Variants in LIN28B observed in about 807,000 individuals in gnomAD.
LIN28B encodes protein lin-28 homolog B.
In LIN28B, 5 loss-of-function variants were observed where a neutral mutation model predicts 21.9. That is an observed-to-expected ratio of 0.23 (90% CI 0.12 to 0.48). The LOEUF is 0.48. LIN28B is among the 20% of genes least tolerant of loss of function. LIN28B has a pLI of 0.98. For missense variants in LIN28B, 245 were observed against 310.5 expected (o/e 0.79, Z 1.58); for synonymous variants, 109 against 111.3 (o/e 0.98, Z 0.13).
chr6:104,964,681 G>A (rs1253990636), intron 2 of LIN28B, among the ~76,000 whole-genome samples: 1 of 152,108 alleles, frequency 6.6e-6, no homozygotes, highest in Non-Finnish European at 1.5e-5. Flanking sequence ...GTTTAAGAAA[G>A]TACATTGCAG....
Position 105,079,660 on chromosome 6 carries a change from T to C in LIN28B, c.*877T>C, listed in dbSNP as rs980109388. 13 of 152,580 alleles carry C rather than the reference T, an allele frequency of 8.5e-5. No individual in the cohort carries two copies. The highest frequency in any genetic ancestry group is 3.1e-4 in the African/African-American group (13 of 41,448). The allele number at this position is 152,580 out of a possible 1,614,324, so 9.5% of individuals were successfully genotyped here. On this transcript the variant is annotated 3_prime_UTR_variant, in exon 4 of 4. Transcript: ENST00000345080. ...GTAACCTTTTCCATGTTGTGAGGGT[T>C]GTAAGGGATTGTGTGGCAACAGCAG...
At chr6:105,023,647 TAA>T (rs1491562228) in intron 2 of LIN28B, among the ~76,000 whole-genome samples, 5 of 89,374 alleles carry the variant, frequency 5.6e-5, no homozygotes, top group African/African-American at 2.2e-4. Context: ...ATAAAATATA[TAA>T]TATATATATA....
Position 105,020,945 on chromosome 6 carries a change from T to C in LIN28B, c.199-5353T>C, listed in dbSNP as rs560909844. 3.1e-3 allele frequency among the ~76,000 whole-genome samples: 469 copies of C among 151,320 alleles called. 6 individuals are homozygous for C. The highest frequency in any genetic ancestry group is 0.011 in the African/African-American group (445 of 41,252). The stretch of plus-strand genomic sequence containing the variant: ...TTTTTTTTTGTATTTTTAGTAGAAA[T>C]GGGGTTTCACCGTGTTAGCCAGGAT... On this transcript the variant is annotated intron_variant, in intron 2 of 3. Coordinates refer to ENST00000345080, the MANE Select transcript of LIN28B (RefSeq NM_001004317.4).
At chr6:105,050,218 A>T (rs1771869701) in intron 3 of LIN28B, among the ~76,000 whole-genome samples, 1 of 152,154 alleles carries the variant, frequency 6.6e-6, no homozygotes, top group African/African-American at 2.4e-5. Context: ...ATCTCTCAGC[A>T]TTTGCTTCTC....
intron 2 of LIN28B, among the ~76,000 whole-genome samples, chr6:104,947,572 A>G (rs1778170770): frequency 6.6e-6 from 1 of 152,138 alleles, no homozygotes; most frequent in Admixed American, 6.5e-5. Flanking sequence ...TGTGAAATCT[A>G]AGAATGTTTG....
intron 3 of LIN28B, among the ~76,000 whole-genome samples, chr6:105,063,799 C>A (rs1018701378): frequency 2.0e-5 from 3 of 151,672 alleles, no homozygotes; most frequent in African/African-American, 7.3e-5. Flanking sequence ...CTATGAATAA[C>A]CCCTGCAGTC....
chr6:104,958,044 T>C (rs1039075866), intron 1 of LIN28B, 55 bp from the exon 2 acceptor site: 7 of 1,257,072 alleles, frequency 5.6e-6, no homozygotes, highest in Middle Eastern at 3.0e-4. Flanking sequence ...TTTTAATCTT[T>C]GAATGCACAT....
At chr6:104,981,867 A>G (rs1241189742) in intron 2 of LIN28B, among the ~76,000 whole-genome samples, 1 of 152,212 alleles carries the variant, frequency 6.6e-6, no homozygotes, top group African/African-American at 2.4e-5. Flanking sequence ...TAGGTCATGA[A>G]CAAGTTTGAG....
chr6:104,985,938 A>G (rs975360092), intron 2 of LIN28B, among the ~76,000 whole-genome samples: 1 of 152,148 alleles, frequency 6.6e-6, no homozygotes, highest in Non-Finnish European at 1.5e-5. Flanking sequence ...CCTTTGTCAT[A>G]AATCAGGTGA....
intron 2 of LIN28B, chr6:104,941,229 A>G (rs12528131): frequency 0.39 from 59,564 of 152,076 alleles, 13,544 homozygotes; most frequent in East Asian, 0.55. Context: ...TGCGGTTCGG[A>G]AGCCGGCGCG....
At chr6:105,000,647 AAAT>A (rs1418412401) in intron 2 of LIN28B, among the ~76,000 whole-genome samples, 2 of 151,766 alleles carry the variant, frequency 1.3e-5, no homozygotes, top group African/African-American at 4.8e-5. Context: ...AAAATAATTT[AAAT>A]AATAAAGAAT....
At chr6:105,043,341 CAAAAAAAAAAAAAA>C (rs57532096) in intron 3 of LIN28B, among the ~76,000 whole-genome samples, 5 of 75,382 alleles carry the variant, frequency 6.6e-5, no homozygotes, top group Admixed American at 4.7e-4. Context: ...GACTCTGTCT[CAAAAAAAAAAAAAA>C]AAAAAAAAAA....
intron 2 of LIN28B, among the ~76,000 whole-genome samples, chr6:104,944,726 ATAT>A (rs1778136696): frequency 2.0e-5 from 3 of 152,120 alleles, no homozygotes; most frequent in African/African-American, 7.2e-5. Flanking sequence ...AATACATTTA[ATAT>A]ATCAGTAAAA....
chr6:105,012,695 A>G (rs1332534615), intron 2 of LIN28B, among the ~76,000 whole-genome samples: 4 of 152,178 alleles, frequency 2.6e-5, no homozygotes, highest in African/African-American at 9.6e-5. Context: ...GTACATAGCA[A>G]AAGTTGTTTA....
At chr6:104,951,890 A>G (rs1778225090) in intron 3 of LIN28B, among the ~76,000 whole-genome samples, 1 of 152,078 alleles carries the variant, frequency 6.6e-6, no homozygotes, top group South Asian at 2.1e-4. Flanking sequence ...TCTGGCCTCC[A>G]TTTTCTAGCT....
intron 2 of LIN28B, among the ~76,000 whole-genome samples, chr6:104,947,330 GC>G (rs1355952301): frequency 6.6e-6 from 1 of 152,050 alleles, no homozygotes; most frequent in Admixed American, 6.6e-5. Context: ...CACCATGTTG[GC>G]CAGGCTGGTC....
intron 3 of LIN28B, among the ~76,000 whole-genome samples, chr6:105,064,749 AT>A: frequency 6.6e-6 from 1 of 152,312 alleles, no homozygotes; most frequent in African/African-American, 2.4e-5. Context: ...ATCATTCAAT[AT>A]TTTTTAAAGA....
intron 2 of LIN28B, among the ~76,000 whole-genome samples, chr6:104,959,050 T>A (rs963355617): frequency 6.6e-6 from 1 of 152,204 alleles, no homozygotes; most frequent in Non-Finnish European, 1.5e-5. Flanking sequence ...TGTGTTGTAA[T>A]TTTTAAAGAT....
Position 104,958,254 on chromosome 6 carries a change from T to G in LIN28B, c.166T>G (p.Leu56Val). The G allele has an allele frequency of 6.3e-7, 1 of 1,580,382 alleles. No individual in the cohort carries two copies. Among genetic ancestry groups the G allele is most frequent in the Non-Finnish European group, 8.7e-7 (1 of 1,155,676 alleles). The change falls in exon 2 of 4, where the codon TTG becomes GTG. Residue 56 changes from leucine to valine, a missense_variant. Leu to Val is a conservative substitution (Grantham distance 32). Transcript: ENST00000345080. Reference protein sequence around the residue: ...ISMINREGSPLDIPVDVFVHQ... With the variant: ...ISMINREGSPVDIPVDVFVHQ... ...CATGATAAACCGAGAGGGAAGCCCC[T>G]TGGATATTCCAGTCGATGTATTTGT... is the stretch of plus-strand genomic sequence containing the variant.
Sources: gnomAD v4.1 joint callset for allele counts (sites outside exome capture counted in the v4.1 genomes callset) on GRCh38, gnomAD v4.1.1 for gene constraint, MANE v1.5 for transcripts, NCBI Gene and HGNC (gene_info 2026-07-23, HGNC 2026-07-21) for gene names.